OR2A14: variants seen among roughly 807,000 people sequenced by gnomAD.
OR2A14 encodes olfactory receptor family 2 subfamily A member 14.
In OR2A14, 2 loss-of-function variants were observed where a neutral mutation model predicts 2.4. The ratio of observed to expected loss-of-function variants is 0.85; its 90% confidence interval spans 0.35 to 2.67. The LOEUF is 2.67. OR2A14 is among the 30% of genes most tolerant of loss of function. The probability of loss-of-function intolerance (pLI) is 0.10; values close to 1 mark genes in which losing one functional copy is unlikely to be tolerated. For synonymous variants in OR2A14, 160 were observed against 156.3 expected, an observed-to-expected ratio of 1.02 and a Z score of -0.18; for missense variants, 390 against 379.4, an observed-to-expected ratio of 1.03 and a Z score of -0.23.
rs1276087140 is a variant in OR2A14, at chr7:144,129,785, T to C, written c.673T>C (p.Leu225=). 1.8e-5 allele frequency: 29 copies of C among 1,613,956 alleles called. 1 individual carries two copies. The highest frequency in any genetic ancestry group is 1.7e-4 in the Middle Eastern group (1 of 5,988). ...CTACTTGCGCATCCTGGCCGCCATC[T>C]TGAGGATCCAGTCTGGGGAGGGCCG... ...VSYLRILAAI[L]RIQSGEGRRK... The change falls in exon 2 of 2, where the codon TTG becomes CTG. Residue 225 remains leucine (L), a synonymous_variant. Coordinates refer to ENST00000641068, the MANE Select transcript of OR2A14 (RefSeq NM_001001659.3).
intron 1 of OR2A14, among the ~76,000 whole-genome samples, chr7:144,127,311 G>T (rs916535531): frequency 3.9e-5 from 6 of 152,166 alleles, no homozygotes; most frequent in Non-Finnish European, 7.3e-5. Context: ...GCCTAGTACT[G>T]ACTATGTGGC....
At chr7:144,126,572 G>A (rs2051484239) in intron 1 of OR2A14, among the ~76,000 whole-genome samples, 1 of 151,940 alleles carries the variant, frequency 6.6e-6, no homozygotes, top group African/African-American at 2.4e-5. Flanking sequence ...CCATCTAAAG[G>A]AGACCCCCCT....
chr7:144,124,462 C>CAAA (rs10664756), intron 1 of OR2A14, among the ~76,000 whole-genome samples: 10,942 of 84,624 alleles, frequency 0.13, 1,032 homozygotes, highest in East Asian at 0.34. Flanking sequence ...AACTCCGTCT[C>CAAA]AAAAAAAAAA....
At chr7:144,128,184 T>C (rs2051496607) in intron 1 of OR2A14, among the ~76,000 whole-genome samples, 1 of 152,242 alleles carries the variant, frequency 6.6e-6, no homozygotes, top group South Asian at 2.1e-4. Flanking sequence ...TATTAAGTTA[T>C]AATCGAGAAA....
chr7:144,128,969 T>C (rs1455485739), intron 1 of OR2A14, 110 bp from the exon 2 acceptor site: 1 of 639,174 alleles, frequency 1.6e-6, no homozygotes, highest in African/African-American at 1.9e-5. Context: ...CTCATTTTTA[T>C]GAGCACACTT....
At chr7:144,127,166 GGCCTCTAAA>G (rs1228527588) in intron 1 of OR2A14, among the ~76,000 whole-genome samples, 2 of 152,128 alleles carry the variant, frequency 1.3e-5, no homozygotes, top group African/African-American at 4.8e-5. Context: ...TCCACAGCTG[GGCCTCTAAA>G]GCTTAGAACA....
intron 1 of OR2A14, among the ~76,000 whole-genome samples, chr7:144,128,594 G>A (rs1055424934): frequency 1.3e-5 from 2 of 152,222 alleles, no homozygotes; most frequent in African/African-American, 4.8e-5. Flanking sequence ...AGAAAAGCCT[G>A]TGAGGAGGTG....
At position 144,126,880 on chromosome 7, in the gene OR2A14, G is replaced by A. The variant is rs550585185; in HGVS notation, c.-34-2199G>A. Among the ~76,000 whole-genome samples the A allele has an allele frequency of 2.6e-5, 4 of 152,180 alleles. No homozygotes were observed. The East Asian group carries it at 5.8e-4, about 22-fold the overall frequency. ...TGACACCCCTTCCCCACCTCCAAATGGGACTGAACATGCTCCTGATACCTT... is the reference window on the plus strand; with the variant it reads ...TGACACCCCTTCCCCACCTCCAAATAGGACTGAACATGCTCCTGATACCTT... On this transcript the variant is annotated intron_variant, in intron 1 of 1. Coordinates refer to ENST00000641068, the MANE Select transcript of OR2A14 (RefSeq NM_001001659.3).
intron 1 of OR2A14, among the ~76,000 whole-genome samples, chr7:144,123,797 T>C (rs559169167): frequency 8.5e-5 from 13 of 152,158 alleles, no homozygotes; most frequent in African/African-American, 2.9e-4. Context: ...TTGTTCTGGA[T>C]ACAGGCACCA....
intron 1 of OR2A14, among the ~76,000 whole-genome samples, chr7:144,125,765 G>T (rs778023796): frequency 5.3e-5 from 8 of 152,124 alleles, no homozygotes; most frequent in Non-Finnish European, 1.2e-4. Flanking sequence ...GTTTATTCTA[G>T]GCTGCTGGGG....
At chr7:144,126,512 T>G (rs1375199042) in intron 1 of OR2A14, among the ~76,000 whole-genome samples, 1 of 152,170 alleles carries the variant, frequency 6.6e-6, no homozygotes, top group Non-Finnish European at 1.5e-5. Flanking sequence ...CCTTCATGGT[T>G]TAGGTTCCAC....
chr7:144,124,977 A>T (rs1341393851), intron 1 of OR2A14, among the ~76,000 whole-genome samples: 1 of 152,176 alleles, frequency 6.6e-6, no homozygotes, highest in Non-Finnish European at 1.5e-5. Context: ...ATTGCACTGG[A>T]TTTCCAATTC....
intron 1 of OR2A14, 23 bp from the exon 2 acceptor site, chr7:144,129,056 G>A (rs967396548): frequency 4.0e-5 from 54 of 1,345,818 alleles, no homozygotes; most frequent in Non-Finnish European, 5.2e-5. Context: ...TGCTCCCTCT[G>A]TGCATCTTTG....
intron 1 of OR2A14, 87 bp downstream of exon 1, chr7:144,123,351 T>G (rs2951346): frequency 0.38 from 57,634 of 152,126 alleles, 11,732 homozygotes; most frequent in East Asian, 0.74. Context: ...TGGCTCCAGA[T>G]AGTAGCGATG....
intron 1 of OR2A14, among the ~76,000 whole-genome samples, chr7:144,123,805 C>T (rs1389093830): frequency 2.0e-5 from 3 of 152,122 alleles, no homozygotes; most frequent in Admixed American, 2.0e-4. Flanking sequence ...GATACAGGCA[C>T]CATTCACTCA....
intron 1 of OR2A14, among the ~76,000 whole-genome samples, chr7:144,125,020 C>A (rs979871480): frequency 6.6e-6 from 1 of 152,106 alleles, no homozygotes; most frequent in African/African-American, 2.4e-5. Flanking sequence ...ATTTTACGAT[C>A]TCTTTAATAT....
intron 1 of OR2A14, among the ~76,000 whole-genome samples, chr7:144,124,472 A>AAAC (rs2051467917): frequency 6.6e-6 from 1 of 151,662 alleles, no homozygotes; most frequent in East Asian, 1.9e-4. Flanking sequence ...CAAAAAAAAA[A>AAAC]AAAAAAAAAA....
intron 1 of OR2A14, among the ~76,000 whole-genome samples, chr7:144,126,486 C>T (rs1331731353): frequency 1.3e-5 from 2 of 152,114 alleles, no homozygotes; most frequent in African/African-American, 4.8e-5. Flanking sequence ...TCTTTTGGCT[C>T]TGGGCAGGGT....
rs146347199 is a variant in OR2A14, at chr7:144,125,172, G to A, written c.-35+1908G>A. ...GCCTTAGAATACGTGACTCAAATGC[G>A]TCATGTTCATTGCTCAGAATCAAGA... On this transcript the variant is annotated intron_variant, in intron 1 of 1. Coordinates refer to ENST00000641068, the MANE Select transcript of OR2A14 (RefSeq NM_001001659.3). Among the ~76,000 whole-genome samples the A allele has an allele frequency of 1.7e-3, 262 of 152,276 alleles. 1 individual carries two copies. The highest frequency in any genetic ancestry group is 6.1e-3 in the African/African-American group (253 of 41,568).
Sources: gnomAD v4.1 joint callset for allele counts (sites outside exome capture counted in the v4.1 genomes callset) on GRCh38, gnomAD v4.1.1 for gene constraint, MANE v1.5 for transcripts, NCBI Gene and HGNC (gene_info 2026-07-23, HGNC 2026-07-21) for gene names.